PUM2: variants seen among roughly 807,000 people sequenced by gnomAD.
The protein encoded by PUM2 is pumilio RNA binding family member 2, also known as pumilio homolog 2.
In PUM2, 57 loss-of-function variants were observed where a neutral mutation model predicts 124.5. The ratio of observed to expected loss-of-function variants is 0.46; its 90% CI spans 0.37 to 0.57. The LOEUF is 0.57. Ranked by LOEUF, PUM2 falls within the 20% of genes least tolerant of loss-of-function variation. The pLI, the probability that PUM2 is intolerant of heterozygous loss-of-function variation, is 0.00. For missense variants in PUM2, 1,065 were observed against 1,290.6 expected, an observed-to-expected ratio of 0.83 and a Z score of 2.68; for synonymous variants, 460 against 446.1, an observed-to-expected ratio of 1.03 and a Z score of -0.39.
intron 1 of PUM2, among the ~76,000 whole-genome samples, chr2:20,344,982 CAAAAAAA>C (rs762460030): frequency 1.5e-3 from 102 of 66,266 alleles, no homozygotes; most frequent in African/African-American, 5.4e-3. Flanking sequence ...GACTCTGTCT[CAAAAAAA>C]AAAAAAAAAA....
At chr2:20,348,428 G>GT (rs1688665906) in intron 1 of PUM2, among the ~76,000 whole-genome samples, 1 of 152,118 alleles carries the variant, frequency 6.6e-6, no homozygotes, top group Admixed American at 6.5e-5. Flanking sequence ...AAGTTAGGAC[G>GT]TATGTAGAAC....
At chr2:20,314,588 C>T (rs1326903813) in intron 3 of PUM2, among the ~76,000 whole-genome samples, 2 of 152,162 alleles carry the variant, frequency 1.3e-5, no homozygotes, top group Non-Finnish European at 2.9e-5. Flanking sequence ...AATATTTAAA[C>T]TATTGAGGCT....
chr2:20,297,706 A>C (rs1675964431), intron 7 of PUM2, 28 bp from the exon 8 acceptor site: 1 of 1,600,052 alleles, frequency 6.2e-7, no homozygotes, highest in African/African-American at 1.3e-5. Context: ...AGAAATAATA[A>C]ACAACAATGT....
chr2:20,261,998 G>T (rs1260315828), intron 14 of PUM2, among the ~76,000 whole-genome samples: 2 of 152,174 alleles, frequency 1.3e-5, no homozygotes, highest in African/African-American at 4.8e-5. Context: ...GGGATGCTTA[G>T]GTGGGAGGAC....
At chr2:20,336,169 C>A (rs1685965284) in intron 1 of PUM2, among the ~76,000 whole-genome samples, 1 of 151,502 alleles carries the variant, frequency 6.6e-6, no homozygotes, top group African/African-American at 2.4e-5. Flanking sequence ...TTACATAACA[C>A]AAAAAGCGTT....
chr2:20,263,511 CAAATA>C, intron 13 of PUM2, 51 bp from the exon 14 acceptor site: 2 of 1,528,134 alleles, frequency 1.3e-6, no homozygotes, highest in Non-Finnish European at 1.8e-6. Context: ...AGTTATTCCT[CAAATA>C]AAATTTACTT....
intron 8 of PUM2, 22 bp from the exon 9 acceptor site, chr2:20,294,540 C>T (rs770569495): frequency 6.4e-7 from 1 of 1,566,926 alleles, no homozygotes; most frequent in East Asian, 2.3e-5. Flanking sequence ...ACCCGACCCC[C>T]GAATAAAAAG....
At chr2:20,337,206 A>AAG (rs1453690811) in intron 1 of PUM2, among the ~76,000 whole-genome samples, 1 of 152,172 alleles carries the variant, frequency 6.6e-6, no homozygotes, top group East Asian at 1.9e-4. Context: ...TCACAAACCA[A>AAG]CTATAAAGAC....
intron 1 of PUM2, among the ~76,000 whole-genome samples, chr2:20,342,888 A>G (rs1053468093): frequency 6.6e-6 from 1 of 152,210 alleles, no homozygotes; most frequent in African/African-American, 2.4e-5. Flanking sequence ...TACATCAAAA[A>G]CACCACCAAA....
intron 1 of PUM2, among the ~76,000 whole-genome samples, chr2:20,348,591 A>AT (rs1342732505): frequency 7.9e-5 from 12 of 152,214 alleles, no homozygotes; most frequent in African/African-American, 2.9e-4. Flanking sequence ...GTTAACTAAG[A>AT]TAAGTACCTA....
At chr2:20,254,123 G>C in intron 19 of PUM2, 109 bp from the exon 20 acceptor site, 1 of 917,580 alleles carries the variant, frequency 1.1e-6, no homozygotes, top group Non-Finnish European at 1.6e-6. Context: ...CAGAAGTCAG[G>C]ATGGGATTCT....
chr2:20,349,279 G>A lies in PUM2; in HGVS notation c.-19+1318C>T, dbSNP rs373387893. The stretch of plus-strand genomic sequence containing the variant: ...CTGGACTTAAATCCTCAAGAACCAG[G>A]TTTCTGAAATAAAATTTTATTTTTA... On this transcript the variant is annotated intron_variant, in intron 1 of 20. Coordinates refer to ENST00000361078, the MANE Select transcript of PUM2 (RefSeq NM_015317.5). Among the ~76,000 whole-genome samples the A allele has an allele frequency of 3.4e-4, 52 of 152,206 alleles. No individual in the cohort carries two copies. In the South Asian group the frequency reaches 9.8e-3, roughly 29 times the overall value.
At chr2:20,327,411 A>G (rs780795834) in intron 1 of PUM2, 33 bp from the exon 2 acceptor site, 6 of 1,340,962 alleles carry the variant, frequency 4.5e-6, no homozygotes, top group Non-Finnish European at 6.3e-6. Flanking sequence ...ATTAGTACAA[A>G]GAAATGTTTA....
In PUM2 at chr2:20,294,409, T is replaced by C. The variant is rs933693484; in HGVS notation, c.1119A>G (p.Gln373=). 5.0e-6 allele frequency: 8 copies of C among 1,614,060 alleles called. No individual in the cohort carries two copies. The highest frequency in any genetic ancestry group is 2.7e-5 in the African/African-American group (2 of 74,922). The change falls in exon 9 of 21, where the codon CAA becomes CAG. Residue 373 remains glutamine (Q), a synonymous_variant. Coordinates refer to ENST00000361078, the MANE Select transcript of PUM2 (RefSeq NM_015317.5). ...GTCCAGGCTGAGCTTGTGATGCTGC[T>C]TGCTGACTGGCTGTGTTATTTGCCG... ...AAAANNTASQ[Q]AASQAQPGQQ... is the part of the protein sequence containing the mutation.
At position 20,250,268 on chromosome 2, in the gene PUM2, T is replaced by C. The variant is rs1246431577; in HGVS notation, c.*1317A>G. ...CAATAATAAAAAGAAAGCTGGTTCA[T>C]ACTTCTGAAACCATATAAAGATAAA... On this transcript the variant is annotated 3_prime_UTR_variant, in exon 21 of 21. Transcript: ENST00000361078. 6.6e-6 allele frequency: 1 copy of C among 152,606 alleles called. No homozygotes were observed. 9.5% of individuals were successfully genotyped at this position (152,606 alleles called of 1,614,324 possible). A position where few individuals can be genotyped will look rare whatever the true frequency, so the allele number is the denominator to read the frequency against.
At chr2:20,344,793 T>C (rs533048451) in intron 1 of PUM2, among the ~76,000 whole-genome samples, 6 of 151,876 alleles carry the variant, frequency 4.0e-5, no homozygotes, top group African/African-American at 1.4e-4. Context: ...CCATCCTGGC[T>C]AACATGGTGA....
chr2:20,350,373 G>C, intron 1 of PUM2: 1 of 737,564 alleles, frequency 1.4e-6, no homozygotes, highest in East Asian at 1.3e-4. Flanking sequence ...GCGGGAAAGC[G>C]GCCGGCGCGG....
At chr2:20,315,206 G>C (rs748434236) in intron 3 of PUM2, among the ~76,000 whole-genome samples, 2 of 151,610 alleles carry the variant, frequency 1.3e-5, no homozygotes, top group Non-Finnish European at 2.9e-5. Flanking sequence ...GCTGATAAGG[G>C]TTAAAAAAAA....
In PUM2 at chr2:20,250,189, C is replaced by T. The variant is rs886392730; in HGVS notation, c.*1396G>A. 1 of 152,568 alleles carries T rather than the reference C, an allele frequency of 6.6e-6. No homozygotes were observed. The highest frequency in any genetic ancestry group is 2.4e-5 in the African/African-American group (1 of 41,446). The allele number at this position is 152,568 out of a possible 1,614,324, so 9.5% of individuals were successfully genotyped here. On this transcript the variant is annotated 3_prime_UTR_variant, in exon 21 of 21. Coordinates refer to ENST00000361078, the MANE Select transcript of PUM2 (RefSeq NM_015317.5). Reference sequence around the variant, plus strand: ...ACTTCAATTGAAAGTGATCCAAATTCTAGCAGGTCCATATTAACAGTCAAC... The same window carrying T: ...ACTTCAATTGAAAGTGATCCAAATTTTAGCAGGTCCATATTAACAGTCAAC...
Sources: allele counts gnomAD v4.1 joint callset (sites outside exome capture counted in the v4.1 genomes callset), GRCh38; gene constraint gnomAD v4.1.1; transcripts MANE v1.5; gene names NCBI Gene and HGNC (gene_info 2026-07-23, HGNC 2026-07-21).